The following GABBR2 variants were observed in gnomAD, a reference collection of about 807,000 sequenced individuals.
GABBR2 encodes the protein G-protein coupled receptor 51.
In GABBR2, 23 loss-of-function variants were observed where a neutral mutation model predicts 105.6. The ratio of observed to expected loss-of-function variants is 0.22; its 90% CI spans 0.16 to 0.31. The LOEUF is 0.31. Among genes scored for constraint, GABBR2 ranks in the 10% least tolerant of loss-of-function variants. GABBR2 has a pLI of 1.00. For synonymous variants in GABBR2, 478 were observed against 499.7 expected (o/e 0.96, Z 0.58); for missense variants, 734 against 1,245.5 (o/e 0.59, Z 6.18).
chr9:98,298,115 C>A (rs558680156), intron 17 of GABBR2, among the ~76,000 whole-genome samples: 1 of 151,348 alleles, frequency 6.6e-6, no homozygotes, highest in Non-Finnish European at 1.5e-5. Context: ...TCTTTTCACA[C>A]GAGTGAATAC....
chr9:98,588,542 C>G (rs1356537438), intron 1 of GABBR2, among the ~76,000 whole-genome samples: 3 of 152,190 alleles, frequency 2.0e-5, no homozygotes, highest in Non-Finnish European at 2.9e-5. Context: ...CCCTATGAAC[C>G]ATGTCCCATT....
intron 7 of GABBR2, among the ~76,000 whole-genome samples, chr9:98,437,708 A>C (rs1224038710): frequency 6.6e-6 from 1 of 151,382 alleles, no homozygotes; most frequent in Non-Finnish European, 1.5e-5. Context: ...CCATCCATCC[A>C]TCCACCCACC....
intron 5 of GABBR2, among the ~76,000 whole-genome samples, 198 bp downstream of exon 5, chr9:98,480,734 G>A (rs1172840974): frequency 6.6e-6 from 1 of 152,064 alleles, no homozygotes; most frequent in African/African-American, 2.4e-5. Context: ...CTGGTTCCTC[G>A]ATGATGGTAT....
intron 1 of GABBR2, among the ~76,000 whole-genome samples, chr9:98,594,076 C>A (rs1829190298): frequency 6.6e-6 from 1 of 152,232 alleles, no homozygotes; most frequent in South Asian, 2.1e-4. Context: ...TTCCCCAACA[C>A]CCCAACATCT....
Position 98,388,528 on chromosome 9 carries a change from C to T in GABBR2, c.1529+326G>A, listed in dbSNP as rs1218884469. On this transcript the variant is annotated intron_variant, in intron 10 of 18. Coordinates refer to ENST00000259455, the MANE Select transcript of GABBR2 (RefSeq NM_005458.8). The surrounding 1 kb of genome is among the most constrained non-coding windows in gnomAD (Gnocchi z 4.4). ...AAAGTACAGGAGTATATCCAAAGCT[C>T]TGAGAAGGCCCGTGGACTTGGACTC... 6.6e-6 allele frequency among the ~76,000 whole-genome samples: 1 copy of T among 152,118 alleles called. No homozygotes were observed. The highest frequency in any genetic ancestry group is 2.4e-5 in the African/African-American group (1 of 41,412).
chr9:98,526,310 C>A (rs1234046628), intron 3 of GABBR2, among the ~76,000 whole-genome samples: 1 of 152,204 alleles, frequency 6.6e-6, no homozygotes, highest in Non-Finnish European at 1.5e-5. Flanking sequence ...CCACACCCAC[C>A]CTGTTCCAGT....
chr9:98,435,777 T>C (rs914734354), intron 7 of GABBR2, among the ~76,000 whole-genome samples: 5 of 152,118 alleles, frequency 3.3e-5, no homozygotes, highest in Non-Finnish European at 7.4e-5. Context: ...TAGCTCCTAT[T>C]TGTTCTTCAA....
chr9:98,309,470 C>T (rs1308062715), intron 14 of GABBR2, among the ~76,000 whole-genome samples: 3 of 152,242 alleles, frequency 2.0e-5, no homozygotes, highest in Non-Finnish European at 4.4e-5. Context: ...CATGCTTTCC[C>T]ATGACAGGGA....
chr9:98,410,487 G>A (rs1051117350), intron 7 of GABBR2, among the ~76,000 whole-genome samples: 1 of 149,774 alleles, frequency 6.7e-6, no homozygotes, highest in African/African-American at 2.5e-5. Flanking sequence ...GAACGCATAA[G>A]CATGCATGAG....
intron 1 of GABBR2, among the ~76,000 whole-genome samples, chr9:98,606,282 T>C (rs563131222): frequency 1.8e-3 from 267 of 152,296 alleles, no homozygotes; most frequent in African/African-American, 6.1e-3. Flanking sequence ...CCTTTGGGTA[T>C]ATACCCAGTA....
chr9:98,642,337 AACACAGACCCC>A (rs1450866517), intron 1 of GABBR2, among the ~76,000 whole-genome samples: 1 of 152,148 alleles, frequency 6.6e-6, no homozygotes, highest in Admixed American at 6.5e-5. Flanking sequence ...CCCTAGCACT[AACACAGACCCC>A]ACAGCTTCTC....
At chr9:98,618,136 T>G (rs1829614152) in intron 1 of GABBR2, among the ~76,000 whole-genome samples, 1 of 152,196 alleles carries the variant, frequency 6.6e-6, no homozygotes, top group Non-Finnish European at 1.5e-5. Context: ...CCCATGGCTG[T>G]CAGGCTCAGG....
intron 11 of GABBR2, 34 bp downstream of exon 11, chr9:98,385,606 A>C: frequency 5.0e-6 from 8 of 1,595,706 alleles, no homozygotes; most frequent in Non-Finnish European, 6.9e-6. Context: ...GAAACTTTCT[A>C]TCATATACCA....
intron 7 of GABBR2, among the ~76,000 whole-genome samples, chr9:98,450,530 A>C (rs1244486756): frequency 1.3e-5 from 2 of 152,198 alleles, no homozygotes; most frequent in Non-Finnish European, 2.9e-5. Context: ...ATGCAAAGAA[A>C]AGGGAGATGG....
intron 12 of GABBR2, among the ~76,000 whole-genome samples, chr9:98,370,752 C>T (rs1400572922): frequency 6.6e-6 from 1 of 152,182 alleles, no homozygotes; most frequent in Admixed American, 6.5e-5. Flanking sequence ...GCTCCAGTAC[C>T]ACTGCAAGAG....
chr9:98,377,783 G>A (rs1249465561), intron 11 of GABBR2, among the ~76,000 whole-genome samples: 1 of 152,118 alleles, frequency 6.6e-6, no homozygotes, highest in Non-Finnish European at 1.5e-5. Context: ...AGTTGGGGGT[G>A]GGGAGGCCAC....
chr9:98,703,419 G>T (rs890323786), intron 1 of GABBR2, among the ~76,000 whole-genome samples: 1 of 152,240 alleles, frequency 6.6e-6, no homozygotes, highest in African/African-American at 2.4e-5. Context: ...ATGCTGGGCA[G>T]TGGGGGTGCA....
chr9:98,380,514 C>T (rs1831953705), intron 11 of GABBR2, among the ~76,000 whole-genome samples: 1 of 152,226 alleles, frequency 6.6e-6, no homozygotes, highest in Admixed American at 6.5e-5. Flanking sequence ...GGGGTCCATC[C>T]CTTCCCCCTG....
chr9:98,379,027 C>A (rs1015832194), intron 11 of GABBR2, among the ~76,000 whole-genome samples: 1 of 152,208 alleles, frequency 6.6e-6, no homozygotes, highest in African/African-American at 2.4e-5. Context: ...AGATTCCAAC[C>A]ACTACATGGC....
Sources: gnomAD v4.1 joint callset for allele counts (sites outside exome capture counted in the v4.1 genomes callset) on GRCh38, gnomAD v4.1.1 for gene constraint, Gnocchi (gnomAD v3.1) non-coding constraint, MANE v1.5 for transcripts, NCBI Gene and HGNC (gene_info 2026-07-23, HGNC 2026-07-21) for gene names.